The following IRAG2 variants were observed in gnomAD, a reference collection of about 807,000 sequenced individuals.
The protein encoded by IRAG2 is lymphoid restricted membrane protein.
In IRAG2, 45 loss-of-function variants were observed where a neutral mutation model predicts 69.9. That is an observed-to-expected ratio of 0.64 (90% CI 0.51 to 0.83). IRAG2 has a LOEUF of 0.83. IRAG2 is among the 40% of genes least tolerant of loss of function. IRAG2 has a pLI of 0.00. For synonymous variants in IRAG2, 193 were observed against 202.4 expected (o/e 0.95, Z 0.40); for missense variants, 520 against 587.0 (o/e 0.89, Z 1.18).
intron 6 of IRAG2, among the ~76,000 whole-genome samples, chr12:25,077,361 G>C (rs55784303): frequency 7.8e-5 from 1 of 12,834 alleles, no homozygotes; most frequent in African/African-American, 2.3e-4. Flanking sequence ...TGATATATAT[G>C]ATATATATGA....
At chr12:25,104,845 CAT>C (rs559659272) in intron 20 of IRAG2, among the ~76,000 whole-genome samples, 100 of 151,294 alleles carry the variant, frequency 6.6e-4, no homozygotes, top group Middle Eastern at 3.4e-3. Flanking sequence ...TATTATATAA[CAT>C]ATAGGCACAT....
intron 14 of IRAG2, among the ~76,000 whole-genome samples, chr12:25,090,485 C>G (rs894986887): frequency 1.3e-5 from 2 of 151,992 alleles, no homozygotes; most frequent in African/African-American, 2.4e-5. Flanking sequence ...TTGGAGATTG[C>G]AGGGAGCTAT....
chr12:25,102,553 G>A (rs372693237), intron 17 of IRAG2: 24 of 323,102 alleles, frequency 7.4e-5, no homozygotes, highest in Non-Finnish European at 1.3e-4. Context: ...TCCTCCTTTC[G>A]TGCTGCCTCA....
At chr12:25,004,253 A>G (rs1639354573), upstream of IRAG2, 3 of 955,608 alleles carry the variant, frequency 3.1e-6, no homozygotes, top group Non-Finnish European at 4.1e-6. Context: ...TTGCTAAATT[A>G]TTGTTAGGAA....
chr12:25,097,043 A>G lies in IRAG2; in HGVS notation c.740A>G (p.Gln247Arg), dbSNP rs747000182. Residue 247 changes from glutamine to arginine, a missense_variant and splice_region_variant, in exon 15 of 22, where the codon CAG becomes CGG. Physicochemically the swap from Gln to Arg is conservative, Grantham distance 43. Coordinates refer to ENST00000556887, the MANE Select transcript of IRAG2 (RefSeq NM_001366544.2). ...GCTGAGATGTTGGGAGCCATCAATCAGGTAACCTGTCTTCATTTCTCTAGT... is the reference window on the plus strand; with the variant it reads ...GCTGAGATGTTGGGAGCCATCAATCGGGTAACCTGTCTTCATTTCTCTAGT... ...SRAEMLGAIN[Q>R]ESRVSKAVEV... is the part of the protein sequence containing the mutation. The G allele has an allele frequency of 3.7e-6, 6 of 1,603,710 alleles. No individual in the cohort carries two copies. The East Asian group carries it at 6.7e-5, about 18-fold the overall frequency.
chr12:25,028,634 C>T (rs1160064721), intron 9 of IRAG2, among the ~76,000 whole-genome samples: 1 of 152,158 alleles, frequency 6.6e-6, no homozygotes, highest in East Asian at 1.9e-4. Flanking sequence ...ATCTGTCACA[C>T]ATTCTCATCA....
chr12:25,037,680 A>C (rs1403164652), intron 15 of IRAG2, among the ~76,000 whole-genome samples: 1 of 152,230 alleles, frequency 6.6e-6, no homozygotes, highest in Non-Finnish European at 1.5e-5. Flanking sequence ...TGTGATGACT[A>C]CTGAAGTTGT....
At chr12:25,011,465 T>C in exon 3 of IRAG2, 1 of 1,231,680 alleles carries the variant, frequency 8.1e-7, no homozygotes, top group Non-Finnish European at 1.0e-6. Flanking sequence ...GGAACATGCT[T>C]GATCCTGAGA....
intron 2 of IRAG2, among the ~76,000 whole-genome samples, chr12:25,011,088 A>G (rs35612709): frequency 0.052 from 7,854 of 152,306 alleles, 263 homozygotes; most frequent in East Asian, 0.088. Context: ...TCTGTGTGAT[A>G]GGTATCATCG....
intron 7 of IRAG2, among the ~76,000 whole-genome samples, chr12:25,023,648 A>G (rs528377740): frequency 6.2e-4 from 95 of 152,322 alleles, no homozygotes; most frequent in Middle Eastern, 3.4e-3. Context: ...CCTAACAACC[A>G]TAGTTACATT....
intron 1 of IRAG2, among the ~76,000 whole-genome samples, chr12:25,055,611 C>A (rs12427285): frequency 0.065 from 9,858 of 152,158 alleles, 431 homozygotes; most frequent in Non-Finnish European, 0.094. Flanking sequence ...TCTCCTATCC[C>A]CACCCCATGA....
chr12:25,022,801 C>T (rs11614367), intron 7 of IRAG2, among the ~76,000 whole-genome samples: 11,508 of 152,206 alleles, frequency 0.076, 577 homozygotes, highest in African/African-American at 0.15. Flanking sequence ...GGTAAAAGCA[C>T]ATGATGTTAT....
At chr12:25,090,911 G>A (rs1423918263) in intron 14 of IRAG2, 1 of 447,456 alleles carries the variant, frequency 2.2e-6, no homozygotes, top group East Asian at 7.0e-5. Context: ...ATGATTAACT[G>A]AGGAAAGAGA....
At chr12:25,089,004 A>G (rs979439847) in intron 11 of IRAG2, among the ~76,000 whole-genome samples, 8 of 152,242 alleles carry the variant, frequency 5.3e-5, no homozygotes, top group African/African-American at 1.7e-4. Context: ...TCAAGCTCAC[A>G]TAACTGTAAG....
At position 25,004,670 on chromosome 12, in the gene IRAG2, ACT is replaced by A. The variant is rs1944417457; in HGVS notation, c.332_333del (p.Ser111CysfsTer7). 19 of 1,231,872 alleles carry A rather than the reference ACT, an allele frequency of 1.5e-5. No homozygotes were observed. The highest frequency in any genetic ancestry group is 1.9e-5 in the Non-Finnish European group (19 of 987,940). 76.3% of individuals were successfully genotyped at this position (1,231,872 alleles called of 1,614,324 possible). Reference sequence around the variant, plus strand: ...CTCAGCTCCCCTGAGACTGCAACATACTCTGTTATTCTCACAAGTTCTGAAAA... The same window carrying A: ...CTCAGCTCCCCTGAGACTGCAACATACTGTTATTCTCACAAGTTCTGAAAA... On this transcript the variant is annotated frameshift_variant, in exon 1 of 39. Coordinates refer to the IRAG2 transcript ENST00000636465. LOFTEE classifies it high-confidence loss of function.
chr12:25,093,079 T>C (rs190000648), intron 14 of IRAG2: 1 of 153,052 alleles, frequency 6.5e-6, no homozygotes, highest in Non-Finnish European at 1.5e-5. Flanking sequence ...ATAAAATTTA[T>C]TGATGTGTTT....
intron 15 of IRAG2, 125 bp downstream of exon 15, chr12:25,097,169 C>A: frequency 3.7e-6 from 3 of 802,642 alleles, no homozygotes; most frequent in Non-Finnish European, 5.6e-6. Context: ...AAGACATATG[C>A]GTTTAATACA....
intron 8 of IRAG2, among the ~76,000 whole-genome samples, chr12:25,026,309 G>A (rs146423433): frequency 6.6e-6 from 1 of 152,280 alleles, no homozygotes; most frequent in East Asian, 1.9e-4. Context: ...CATCTGAAAG[G>A]GTGCTGGTGT....
chr12:25,090,396 T>C (rs1353554629), intron 14 of IRAG2, among the ~76,000 whole-genome samples, 199 bp downstream of exon 14: 1 of 128,634 alleles, frequency 7.8e-6, no homozygotes, highest in Non-Finnish European at 1.7e-5. Flanking sequence ...AAAAAAAAAA[T>C]CAGCCAGGTG....
Sources: allele counts gnomAD v4.1 joint callset (sites outside exome capture counted in the v4.1 genomes callset), GRCh38; gene constraint gnomAD v4.1.1; transcripts MANE v1.5; gene names NCBI Gene and HGNC (gene_info 2026-07-23, HGNC 2026-07-21).